Variants in S100G observed in about 807,000 individuals in gnomAD.
S100G encodes protein S100-G.
A neutral mutation model predicts 4.4 loss-of-function variants in S100G; 4 were observed. The ratio of observed to expected loss-of-function variants is 0.91; its 90% CI spans 0.45 to 2.09. The LOEUF (loss-of-function observed/expected upper bound fraction) is 2.09. Ranked by LOEUF, S100G falls within the 30% of genes most tolerant of loss-of-function variation. The pLI, the probability that S100G is intolerant of heterozygous loss-of-function variation, is 0.03. For missense variants in S100G, 48 were observed against 49.8 expected (o/e 0.96, Z 0.11); for synonymous variants, 24 against 20.1 (o/e 1.20, Z -0.53).
chrX:16,654,040 C>T (rs1475310502), intron 2 of S100G, among the ~76,000 whole-genome samples: 2 of 111,997 alleles, frequency 1.8e-5, no homozygotes, highest in African/African-American at 3.2e-5. Flanking sequence ...GGCAGGGGTC[C>T]TCAACTGTTT....
At position 16,654,541 on chromosome X, in the gene S100G, G is replaced by T. The variant is rs1427258306; in HGVS notation, c.*32G>T. ...AAACAAAATAGAACCCTGAGCACTGGAGGAAGAGCGCCTGTGCTGTGGTCT... is the reference window on the plus strand; with the variant it reads ...AAACAAAATAGAACCCTGAGCACTGTAGGAAGAGCGCCTGTGCTGTGGTCT... On this transcript the variant is annotated 3_prime_UTR_variant, in exon 3 of 3. Coordinates refer to ENST00000380200, the MANE Select transcript of S100G (RefSeq NM_004057.3). 1 of 891,066 alleles carries T rather than the reference G, an allele frequency of 1.1e-6. No homozygotes were observed. The highest frequency in any genetic ancestry group is 1.6e-6 in the Non-Finnish European group (1 of 615,588). The allele number at this position is 891,066 out of a possible 1,213,427, so 73.4% of individuals were successfully genotyped here. A position where few individuals can be genotyped will look rare whatever the true frequency, so the allele number is the denominator to read the frequency against.
At chrX:16,650,511 CTTTTTTTTTTT>C (rs1167079038) in intron 1 of S100G, among the ~76,000 whole-genome samples, 3 of 77,209 alleles carry the variant, frequency 3.9e-5, no homozygotes, top group Non-Finnish European at 7.1e-5. Context: ...TCTAAGATGT[CTTTTTTTTTTT>C]TTTTTTTTTT....
chrX:16,653,522 A>C (rs1002740635), intron 2 of S100G, among the ~76,000 whole-genome samples: 14 of 111,821 alleles, frequency 1.3e-4, no homozygotes, highest in South Asian at 7.5e-4. Context: ...AGGCAGGAGG[A>C]TCATTTGAGC....
At chrX:16,653,361 G>C (rs895252409) in intron 2 of S100G, among the ~76,000 whole-genome samples, 2 of 112,240 alleles carry the variant, frequency 1.8e-5, no homozygotes, top group Admixed American at 1.9e-4. Context: ...TGTGGTCCCA[G>C]AGCAGCAGCA....
chrX:16,653,985 T>C (rs1350509513), intron 2 of S100G, among the ~76,000 whole-genome samples: 1 of 111,327 alleles, frequency 9.0e-6, no homozygotes, highest in Admixed American at 9.6e-5. Flanking sequence ...ATGTCAGCCC[T>C]AGCCCTGGAG....
At position 16,654,596 on chromosome X, in the gene S100G, G is replaced by A; in HGVS notation, c.*87G>A. On this transcript the variant is annotated 3_prime_UTR_variant, in exon 3 of 3. Coordinates refer to ENST00000380200, the MANE Select transcript of S100G (RefSeq NM_004057.3). ...CTATGTGGAATCCCCCAAAGTCTCT[G>A]GTTTAATTCTTTGCAATTATAATAA... The A allele has an allele frequency of 2.1e-6, 1 of 471,332 alleles. No individual in the cohort carries two copies. Among genetic ancestry groups the A allele is most frequent in the Non-Finnish European group, 3.5e-6 (1 of 283,533 alleles). The allele number at this position is 471,332 out of a possible 1,213,427, so 38.8% of individuals were successfully genotyped here. A position where few individuals can be genotyped will look rare whatever the true frequency, so the allele number is the denominator to read the frequency against.
chrX:16,654,540 G>A lies in S100G; in HGVS notation c.*31G>A. ...AAAACAAAATAGAACCCTGAGCACT[G>A]GAGGAAGAGCGCCTGTGCTGTGGTC... On this transcript the variant is annotated 3_prime_UTR_variant, in exon 3 of 3. Coordinates refer to ENST00000380200, the MANE Select transcript of S100G (RefSeq NM_004057.3). 1 of 912,933 alleles carries A rather than the reference G, an allele frequency of 1.1e-6. No homozygotes were observed. Among genetic ancestry groups the A allele is most frequent in the Middle Eastern group, 2.7e-4 (1 of 3,715 alleles). The allele number at this position is 912,933 out of a possible 1,213,427, so 75.2% of individuals were successfully genotyped here. A position where few individuals can be genotyped will look rare whatever the true frequency, so the allele number is the denominator to read the frequency against.
Position 16,651,575 on chromosome X carries a change from G to C in S100G, c.135+434G>C, listed in dbSNP as rs1569212515. Among the ~76,000 whole-genome samples the C allele has an allele frequency of 2.7e-5, 3 of 112,130 alleles. No homozygotes were observed. The Admixed American group carries it at 2.8e-4, about 11-fold the overall frequency. ...CCTCAACAAGACCAACACTTACTTA[G>C]CAGTCTGTTAGGAAAACCCACTGAC... On this transcript the variant is annotated intron_variant, in intron 2 of 2. Coordinates refer to ENST00000380200, the MANE Select transcript of S100G (RefSeq NM_004057.3).
At chrX:16,650,900 A>T in intron 1 of S100G, 99 bp from the exon 2 acceptor site, 1 of 690,192 alleles carries the variant, frequency 1.4e-6, no homozygotes, top group Non-Finnish European at 2.2e-6. Flanking sequence ...CATTTATGCC[A>T]AGGAAATGGC....
In S100G at chrX:16,654,530, C is replaced by T; in HGVS notation, c.*21C>T. The T allele has an allele frequency of 5.1e-6, 5 of 986,944 alleles. No individual in the cohort carries two copies. Among genetic ancestry groups the T allele is most frequent in the Non-Finnish European group, 7.1e-6 (5 of 700,019 alleles). 81.3% of individuals were successfully genotyped at this position (986,944 alleles called of 1,213,427 possible). A position where few individuals can be genotyped will look rare whatever the true frequency, so the allele number is the denominator to read the frequency against. On this transcript the variant is annotated 3_prime_UTR_variant, in exon 3 of 3. Transcript: ENST00000380200. ...AGTGAAGGAGAAAACAAAATAGAACCCTGAGCACTGGAGGAAGAGCGCCTG... is the reference window on the plus strand; with the variant it reads ...AGTGAAGGAGAAAACAAAATAGAACTCTGAGCACTGGAGGAAGAGCGCCTG...
chrX:16,651,453 G>A (rs1932627181), intron 2 of S100G, among the ~76,000 whole-genome samples: 1 of 111,780 alleles, frequency 8.9e-6, no homozygotes, highest in Non-Finnish European at 1.9e-5. Context: ...CCTTCAGCAT[G>A]GATTCAGTAC....
At chrX:16,650,511 CTTTT>C (rs1167079038) in intron 1 of S100G, among the ~76,000 whole-genome samples, 1 of 77,206 alleles carries the variant, frequency 1.3e-5, no homozygotes. Flanking sequence ...TCTAAGATGT[CTTTT>C]TTTTTTTTTT....
intron 2 of S100G, among the ~76,000 whole-genome samples, chrX:16,651,855 A>G (rs1273434586): frequency 9.0e-6 from 1 of 111,706 alleles, no homozygotes; most frequent in Non-Finnish European, 1.9e-5. Context: ...TTTGCTAAAG[A>G]AAAAGCTGAG....
intron 2 of S100G, among the ~76,000 whole-genome samples, chrX:16,654,162 C>T (rs774738069): frequency 9.8e-5 from 11 of 112,440 alleles, no homozygotes; most frequent in South Asian, 3.7e-4. Context: ...TATTAAAATA[C>T]GCATTGTATT....
chrX:16,653,167 C>A (rs1030400828), intron 2 of S100G, among the ~76,000 whole-genome samples: 1 of 110,560 alleles, frequency 9.0e-6, no homozygotes, highest in Non-Finnish European at 1.9e-5. Flanking sequence ...TTATTTCAAT[C>A]GGTTTTCTAA....
intron 2 of S100G, 73 bp downstream of exon 2, chrX:16,651,214 C>T (rs1396542175): frequency 3.0e-6 from 3 of 989,768 alleles, no homozygotes; most frequent in Admixed American, 4.7e-5. Context: ...GAGAGGACTC[C>T]GGTAGAGCCT....
chrX:16,654,024 C>A (rs1259059885), intron 2 of S100G, among the ~76,000 whole-genome samples: 1 of 111,950 alleles, frequency 8.9e-6, no homozygotes, highest in African/African-American at 3.2e-5. Context: ...TCCAGGAAAA[C>A]CTTGGGGCAG....
chrX:16,652,268 A>T (rs1932682803), intron 2 of S100G, among the ~76,000 whole-genome samples: 1 of 112,177 alleles, frequency 8.9e-6, no homozygotes, highest in Non-Finnish European at 1.9e-5. Context: ...ATTGTTTTGT[A>T]TGACTCAGTC....
chrX:16,651,448 A>G (rs776497668), intron 2 of S100G, among the ~76,000 whole-genome samples: 2 of 112,038 alleles, frequency 1.8e-5, no homozygotes, highest in South Asian at 7.5e-4. Flanking sequence ...TAAGGCCTTC[A>G]GCATGGATTC....
Sources: gnomAD v4.1 joint callset for allele counts (sites outside exome capture counted in the v4.1 genomes callset) on GRCh38, gnomAD v4.1.1 for gene constraint, MANE v1.5 for transcripts, NCBI Gene and HGNC (gene_info 2026-07-23, HGNC 2026-07-21) for gene names.